The following CA10 variants were observed in gnomAD, a reference collection of about 807,000 sequenced individuals.
CA10 encodes the protein carbonic anhydrase-related protein 10.
CA10 carries 14 observed loss-of-function variants against 44.2 expected under a neutral mutation model. The ratio of observed to expected loss-of-function variants is 0.32; its 90% CI spans 0.21 to 0.50. The LOEUF is 0.50. Ranked by LOEUF, CA10 falls within the 20% of genes least tolerant of loss-of-function variation. The pLI, the probability that CA10 is intolerant of heterozygous loss-of-function variation, is 0.99. For missense variants in CA10, 350 were observed against 409.7 expected, an observed-to-expected ratio of 0.85 and a Z score of 1.26; for synonymous variants, 159 against 141.6, an observed-to-expected ratio of 1.12 and a Z score of -0.87.
intron 3 of CA10, among the ~76,000 whole-genome samples, chr17:51,803,505 T>C (rs1480293019): frequency 6.7e-6 from 1 of 149,128 alleles, no homozygotes; most frequent in Non-Finnish European, 1.5e-5. Context: ...AAAAAATGTC[T>C]GCCTATTTTG....
chr17:51,866,478 A>G (rs1249100310), intron 3 of CA10, among the ~76,000 whole-genome samples: 4 of 152,198 alleles, frequency 2.6e-5, no homozygotes, highest in Non-Finnish European at 4.4e-5. Flanking sequence ...CCAAAAGCAG[A>G]CCATGCTTCC....
intron 4 of CA10, among the ~76,000 whole-genome samples, chr17:51,701,872 T>C (rs191352670): frequency 1.1e-4 from 16 of 152,322 alleles, no homozygotes; most frequent in Admixed American, 5.9e-4. Flanking sequence ...ACACATTGTC[T>C]CCACTCAGAA....
At chr17:51,657,713 G>A (rs1226421551) in intron 4 of CA10, among the ~76,000 whole-genome samples, 2 of 152,142 alleles carry the variant, frequency 1.3e-5, no homozygotes, top group Non-Finnish European at 2.9e-5. Context: ...CCTTAACTGA[G>A]CCCCAACTTT....
chr17:51,896,668 C>T (rs1015095555), intron 3 of CA10, among the ~76,000 whole-genome samples: 4 of 152,208 alleles, frequency 2.6e-5, no homozygotes, highest in Non-Finnish European at 5.9e-5. Context: ...CAAACTGTTT[C>T]CACAGTGGCT....
intron 1 of CA10, among the ~76,000 whole-genome samples, chr17:52,122,797 T>C (rs1336453427): frequency 6.6e-6 from 1 of 152,202 alleles, no homozygotes; most frequent in Non-Finnish European, 1.5e-5. Flanking sequence ...GAAACTGTAA[T>C]TGGAAAGTCA....
chr17:51,990,445 A>C (rs369794), intron 2 of CA10, among the ~76,000 whole-genome samples: 81,451 of 151,996 alleles, frequency 0.54, 23,132 homozygotes, highest in African/African-American at 0.72. Context: ...AAAAATTAGT[A>C]TAAATGATAA....
chr17:51,783,047 C>T (rs1418473054), intron 3 of CA10, among the ~76,000 whole-genome samples: 1 of 152,216 alleles, frequency 6.6e-6, no homozygotes, highest in East Asian at 1.9e-4. Context: ...TGCTGAGTGA[C>T]ATAATATGGG....
intron 1 of CA10, among the ~76,000 whole-genome samples, chr17:52,115,035 A>C (rs544815972): frequency 3.3e-4 from 51 of 152,302 alleles, no homozygotes; most frequent in African/African-American, 1.1e-3. Flanking sequence ...GTTTTTGTGC[A>C]GATAAGGGAA....
chr17:52,026,836 T>C (rs933406007), intron 2 of CA10, among the ~76,000 whole-genome samples: 2 of 151,904 alleles, frequency 1.3e-5, no homozygotes, highest in African/African-American at 4.8e-5. Flanking sequence ...CAATAGGAGA[T>C]TTGGGCGGGG....
chr17:51,895,769 G>A lies in CA10; in HGVS notation c.279+35221C>T, dbSNP rs147517986. ...GATACAACCTGTATTTTGTTTAAGCGAGATTGTTGTAGACACTGCTTTATT... is the reference window on the plus strand; with the variant it reads ...GATACAACCTGTATTTTGTTTAAGCAAGATTGTTGTAGACACTGCTTTATT... On this transcript the variant is annotated intron_variant, in intron 3 of 8. Coordinates refer to ENST00000451037, the MANE Select transcript of CA10 (RefSeq NM_020178.5). Among the ~76,000 whole-genome samples the A allele has an allele frequency of 7.9e-5, 12 of 152,140 alleles. 2 individuals carry two copies. The East Asian group carries it at 1.9e-3, about 25-fold the overall frequency.
chr17:52,088,050 G>A (rs1988165325), intron 1 of CA10, among the ~76,000 whole-genome samples: 1 of 152,146 alleles, frequency 6.6e-6, no homozygotes, highest in African/African-American at 2.4e-5. Context: ...ACATAGCAGG[G>A]AACAACATGC....
At chr17:51,976,630 A>G (rs1485022878) in intron 2 of CA10, among the ~76,000 whole-genome samples, 1 of 152,070 alleles carries the variant, frequency 6.6e-6, no homozygotes, top group Non-Finnish European at 1.5e-5. Flanking sequence ...TTATAGTGTT[A>G]CATGTCTACA....
intron 1 of CA10, among the ~76,000 whole-genome samples, chr17:52,156,878 G>A (rs1989814787): frequency 1.3e-5 from 2 of 152,138 alleles, no homozygotes; most frequent in Admixed American, 1.3e-4. Flanking sequence ...TGGTCCAGGG[G>A]CTTTCCCCTT....
At chr17:51,685,449 A>C (rs1862575806) in intron 4 of CA10, among the ~76,000 whole-genome samples, 1 of 152,140 alleles carries the variant, frequency 6.6e-6, no homozygotes, top group South Asian at 2.1e-4. Flanking sequence ...TGCCAGGTAC[A>C]ACTGCTCTGT....
intron 3 of CA10, among the ~76,000 whole-genome samples, chr17:51,790,825 T>C (rs1324636085): frequency 6.6e-6 from 1 of 152,214 alleles, no homozygotes; most frequent in Non-Finnish European, 1.5e-5. Flanking sequence ...CACTTTAAAG[T>C]AATGACCAAC....
intron 1 of CA10, among the ~76,000 whole-genome samples, chr17:52,113,047 C>A (rs1176798533): frequency 6.6e-6 from 1 of 152,174 alleles, no homozygotes; most frequent in Non-Finnish European, 1.5e-5. Context: ...AGCCTAACAA[C>A]CCTGGCAAAA....
chr17:51,801,565 G>C (rs1337371740), intron 3 of CA10, among the ~76,000 whole-genome samples: 2 of 151,972 alleles, frequency 1.3e-5, no homozygotes, highest in Non-Finnish European at 2.9e-5. Flanking sequence ...TGTTCTGTGG[G>C]GACAGACAAT....
chr17:51,689,441 C>T (rs563587483), intron 4 of CA10, among the ~76,000 whole-genome samples: 49 of 152,236 alleles, frequency 3.2e-4, no homozygotes, highest in African/African-American at 1.2e-3. Context: ...TGAATGATTA[C>T]ATGAATATGT....
intron 1 of CA10, among the ~76,000 whole-genome samples, chr17:52,133,677 T>C (rs1989291344): frequency 1.3e-5 from 2 of 152,242 alleles, no homozygotes. Flanking sequence ...GACAAAGCCA[T>C]ACCCTCTTCT....
Sources: allele counts gnomAD v4.1 joint callset (sites outside exome capture counted in the v4.1 genomes callset), GRCh38; gene constraint gnomAD v4.1.1; transcripts MANE v1.5; gene names NCBI Gene and HGNC (gene_info 2026-07-23, HGNC 2026-07-21).